OTUD7A: variants seen among roughly 807,000 people sequenced by gnomAD.
The protein encoded by OTUD7A is OTU deubiquitinase 7A.
OTUD7A carries 12 observed loss-of-function variants against 65.7 expected under a neutral mutation model. The ratio of observed to expected loss-of-function variants is 0.18; its 90% CI spans 0.12 to 0.30. The LOEUF (loss-of-function observed/expected upper bound fraction) is 0.30, where lower values mean the gene tolerates loss of function less well. Ranked by LOEUF, OTUD7A falls within the 10% of genes least tolerant of loss-of-function variation. The probability of loss-of-function intolerance (pLI) is 1.00; values close to 1 mark genes in which losing one functional copy is unlikely to be tolerated. For missense variants in OTUD7A, 1,148 were observed against 1,304.8 expected (o/e 0.88, Z 1.85); for synonymous variants, 641 against 586.3 (o/e 1.09, Z -1.35).
chr15:31,632,228 T>C (rs1165170554), intron 3 of OTUD7A, among the ~76,000 whole-genome samples: 1 of 152,234 alleles, frequency 6.6e-6, no homozygotes, highest in Non-Finnish European at 1.5e-5. Flanking sequence ...CTTTATCTAC[T>C]TTTGGTCTTT....
At chr15:31,767,084 T>A in intron 1 of OTUD7A, 2 of 1,571,246 alleles carry the variant, frequency 1.3e-6, no homozygotes, top group Non-Finnish European at 1.7e-6. Flanking sequence ...GGATTGCTTA[T>A]CTGTAGTCTC....
intron 1 of OTUD7A, among the ~76,000 whole-genome samples, chr15:31,760,044 A>C (rs890364438): frequency 2.0e-5 from 3 of 152,174 alleles, no homozygotes; most frequent in Non-Finnish European, 4.4e-5. Flanking sequence ...CCAAGATGAC[A>C]ATTTCATACT....
At chr15:31,745,020 A>C (rs1215651277) in intron 1 of OTUD7A, among the ~76,000 whole-genome samples, 1 of 152,096 alleles carries the variant, frequency 6.6e-6, no homozygotes, top group Non-Finnish European at 1.5e-5. Flanking sequence ...TTCTACACTA[A>C]AACAAAAACC....
At chr15:31,775,072 TCC>T (rs923209371) in intron 1 of OTUD7A, among the ~76,000 whole-genome samples, 1 of 143,736 alleles carries the variant, frequency 7.0e-6, no homozygotes, top group African/African-American at 2.6e-5. Flanking sequence ...GTGTGTACGC[TCC>T]CATGTCCATG....
chr15:31,509,852 T>A (rs1233041500), intron 8 of OTUD7A, among the ~76,000 whole-genome samples: 2 of 152,072 alleles, frequency 1.3e-5, no homozygotes, highest in South Asian at 4.1e-4. Flanking sequence ...ATTATTTCTT[T>A]TCCTAATTTT....
At chr15:31,610,617 A>ATATATATATTTTTTTTTTTTTTTTTTT in intron 3 of OTUD7A, among the ~76,000 whole-genome samples, 3 of 30,560 alleles carry the variant, frequency 9.8e-5, no homozygotes, top group Admixed American at 6.7e-4. Flanking sequence ...ATATATATAT[A>ATATATATATTTTTTTTTTTTTTTTTTT]TTTTTTTTTT....
chr15:31,713,035 AC>A (rs1418517753), intron 1 of OTUD7A, among the ~76,000 whole-genome samples: 3 of 152,194 alleles, frequency 2.0e-5, no homozygotes, highest in Admixed American at 6.5e-5. Context: ...TTCAATACTG[AC>A]ATTCTGTTGC....
intron 3 of OTUD7A, among the ~76,000 whole-genome samples, chr15:31,577,556 G>C: frequency 6.6e-6 from 1 of 152,030 alleles, no homozygotes; most frequent in East Asian, 1.9e-4. Flanking sequence ...GTCTTTGCTT[G>C]TAACTTCTGT....
rs1221275976 is a variant in OTUD7A, at chr15:31,503,671, C to T, written c.1021+20G>A. 1 of 1,613,990 alleles carries T rather than the reference C, an allele frequency of 6.2e-7. No homozygotes were observed. Among genetic ancestry groups the T allele is most frequent in the African/African-American group, 1.3e-5 (1 of 74,936 alleles). On this transcript the variant is annotated intron_variant, in intron 9 of 12. Transcript: ENST00000307050. ...TGCTTTCTGTGTCATGAATACAACA[C>T]ATCTCTTTGAGGAACTTACCTTCTC...
At chr15:31,746,375 T>C (rs1242129366) in intron 1 of OTUD7A, among the ~76,000 whole-genome samples, 4 of 152,128 alleles carry the variant, frequency 2.6e-5, no homozygotes, top group Non-Finnish European at 5.9e-5. Flanking sequence ...TATGTATACA[T>C]ATGTTCTTTA....
At chr15:31,535,674 G>GTT (rs55826357) in intron 5 of OTUD7A, among the ~76,000 whole-genome samples, 112 of 112,026 alleles carry the variant, frequency 1.0e-3, no homozygotes, top group Non-Finnish European at 1.4e-3. Context: ...TTCTGTTTTT[G>GTT]TTTTTTTTTT....
chr15:31,589,463 G>GTTT (rs58276599), intron 3 of OTUD7A, among the ~76,000 whole-genome samples: 20,964 of 116,116 alleles, frequency 0.18, 2,211 homozygotes, highest in East Asian at 0.23. Flanking sequence ...TCCTGGGCTT[G>GTTT]TTTTTTTTTT....
chr15:31,790,760 A>G (rs550539633), intron 1 of OTUD7A, among the ~76,000 whole-genome samples: 5 of 152,266 alleles, frequency 3.3e-5, no homozygotes, highest in Admixed American at 2.6e-4. Flanking sequence ...CTGGCCCTCA[A>G]TCCATGAATG....
chr15:31,534,117 T>A (rs76976064), intron 5 of OTUD7A, among the ~76,000 whole-genome samples: 2,899 of 152,082 alleles, frequency 0.019, 90 homozygotes, highest in African/African-American at 0.066. Context: ...TCAAAAAAAG[T>A]ACAAAGAGAG....
At chr15:31,661,702 T>G (rs1892169514) in intron 1 of OTUD7A, among the ~76,000 whole-genome samples, 1 of 152,190 alleles carries the variant, frequency 6.6e-6, no homozygotes, top group African/African-American at 2.4e-5. Flanking sequence ...ATAACCACAG[T>G]ACCATAATCC....
At chr15:31,503,493 G>A (rs1566886969) in intron 9 of OTUD7A, among the ~76,000 whole-genome samples, 198 bp downstream of exon 9, 2 of 152,180 alleles carry the variant, frequency 1.3e-5, no homozygotes, top group African/African-American at 2.4e-5. Flanking sequence ...GCCACCTGCC[G>A]TTGATAGGCA....
At chr15:31,610,477 A>C (rs1398505856) in intron 3 of OTUD7A, among the ~76,000 whole-genome samples, 3 of 151,528 alleles carry the variant, frequency 2.0e-5, no homozygotes, top group Non-Finnish European at 4.4e-5. Context: ...TATACAGAAC[A>C]TTTCATCCAA....
rs370097616 is a variant in OTUD7A at position 31,831,399 on chromosome 15, C to T, written c.-100+39108G>A. On this transcript the variant is annotated intron_variant, in intron 1 of 12. Coordinates refer to ENST00000307050, the MANE Select transcript of OTUD7A (RefSeq NM_001382637.1). ...CAGTAAAAGAGATGAATAGGTAGTT[C>T]GCAAATGAAGAGTATGTGAATGATC... Among the ~76,000 whole-genome samples, 6 of 151,398 alleles carry T rather than the reference C, an allele frequency of 4.0e-5. No homozygotes were observed. In the East Asian group the frequency reaches 5.9e-4, roughly 15 times the overall value.
At chr15:31,824,667 C>T (rs1595795095) in intron 1 of OTUD7A, among the ~76,000 whole-genome samples, 1 of 152,186 alleles carries the variant, frequency 6.6e-6, no homozygotes, top group Non-Finnish European at 1.5e-5. Flanking sequence ...CACATCCGCT[C>T]CCTTCACCCA....
Sources: gnomAD v4.1 joint callset for allele counts (sites outside exome capture counted in the v4.1 genomes callset) on GRCh38, gnomAD v4.1.1 for gene constraint, MANE v1.5 for transcripts, NCBI Gene and HGNC (gene_info 2026-07-23, HGNC 2026-07-21) for gene names.